Variants in DHRS4 observed in about 807,000 individuals in gnomAD.
DHRS4 encodes dehydrogenase/reductase 4, also known as dehydrogenase/reductase SDR family member 4.
DHRS4 carries 20 observed loss-of-function variants against 28.4 expected under a neutral mutation model. The observed-to-expected ratio is 0.71, with a 90% CI of 0.50 to 1.02. DHRS4 has a LOEUF of 1.02. Among genes scored for constraint, DHRS4 ranks in the 50% least tolerant of loss-of-function variants. The pLI is 0.00. For synonymous variants in DHRS4, 144 were observed against 146.4 expected (o/e 0.98, Z 0.12); for missense variants, 378 against 367.2 (o/e 1.03, Z -0.24).
At chr14:23,960,362 T>G (rs2033367473) in intron 3 of DHRS4, among the ~76,000 whole-genome samples, 1 of 152,122 alleles carries the variant, frequency 6.6e-6, no homozygotes, top group Non-Finnish European at 1.5e-5. Context: ...CACACCCACC[T>G]GTCCCCTTTT....
rs764867246 is a variant in DHRS4, at chr14:23,966,352, G to A, written c.601G>A (p.Ala201Thr). The A allele has an allele frequency of 3.7e-6, 6 of 1,614,044 alleles. No individual in the cohort carries two copies. In the South Asian group the frequency reaches 6.6e-5, roughly 18 times the overall value. ...GACCAAGACCCTGGCCATAGAGCTG[G>A]CCCCAAGGAACATTAGGGTGAACTG... ...GLTKTLAIEL[A>T]PRNIRVNCLA... The change falls in exon 6 of 8, where the codon GCC becomes ACC. Residue 201 changes from alanine (A) to threonine (T), a missense_variant. Physicochemically the swap from Ala to Thr is moderately conservative, Grantham distance 58. Transcript: ENST00000313250.
intron 2 of DHRS4, among the ~76,000 whole-genome samples, chr14:23,956,131 C>A (rs2033132914): frequency 6.6e-6 from 1 of 152,158 alleles, no homozygotes; most frequent in East Asian, 1.9e-4. Flanking sequence ...GGCAAATGCT[C>A]AAATGTGCAT....
In DHRS4 at chr14:23,967,450, C is replaced by T. The variant is rs542916647; in HGVS notation, c.722+184C>T. ...CTGAGCAAGAAGTCAGCTTCCCTTTCAAAAGGTAAACACAGAGACATCGGG... is the reference window on the plus strand; with the variant it reads ...CTGAGCAAGAAGTCAGCTTCCCTTTTAAAAGGTAAACACAGAGACATCGGG... On this transcript the variant is annotated intron_variant, in intron 7 of 7. Coordinates refer to ENST00000313250, the MANE Select transcript of DHRS4 (RefSeq NM_021004.4). 6.6e-5 allele frequency: 75 copies of T among 1,128,680 alleles called. No homozygotes were observed. The South Asian group carries it at 9.7e-4, about 15-fold the overall frequency. 69.9% of individuals were successfully genotyped at this position (1,128,680 alleles called of 1,614,324 possible). A position where few individuals can be genotyped will look rare whatever the true frequency, so the allele number is the denominator to read the frequency against.
chr14:23,960,037 G>GGC, intron 3 of DHRS4, 34 bp downstream of exon 3: 1 of 1,585,942 alleles, frequency 6.3e-7, no homozygotes, highest in African/African-American at 1.4e-5. Flanking sequence ...GGCCGGGGGG[G>GGC]GCGCCTTGGA....
chr14:23,967,456 G>A, intron 7 of DHRS4, 190 bp downstream of exon 7: 1 of 1,088,340 alleles, frequency 9.2e-7, no homozygotes. Context: ...CTTTCAAAAG[G>A]TAAACACAGA....
intron 6 of DHRS4, among the ~76,000 whole-genome samples, 196 bp from the exon 7 acceptor site, chr14:23,967,015 C>T (rs528104457): frequency 5.3e-5 from 8 of 151,972 alleles, no homozygotes; most frequent in East Asian, 1.9e-4. Flanking sequence ...ATTAGCCGGG[C>T]GCAGTGGCGA....
chr14:23,958,363 C>T (rs549451558), intron 2 of DHRS4, among the ~76,000 whole-genome samples: 4 of 152,092 alleles, frequency 2.6e-5, no homozygotes, highest in East Asian at 1.9e-4. Context: ...CAAAGTTGAC[C>T]GAGGGCCCGT....
Position 23,960,029 on chromosome 14 carries a change from C to CGGG in DHRS4, c.408+26_408+27insGGG. The CGGG allele has an allele frequency of 2.0e-6, 3 of 1,506,058 alleles. No individual in the cohort carries two copies. In the African/African-American group the frequency reaches 7.1e-5, roughly 36 times the overall value. The allele number at this position is 1,506,058 out of a possible 1,614,324, so 93.3% of individuals were successfully genotyped here. On this transcript the variant is annotated intron_variant, in intron 3 of 7. Coordinates refer to ENST00000313250, the MANE Select transcript of DHRS4 (RefSeq NM_021004.4). Reference sequence around the variant, plus strand: ...GTGAGAGGGGATTAAAGCAGGGGGGCCGGGGGGGGCGCCTTGGAACACATT... The same window carrying CGGG: ...GTGAGAGGGGATTAAAGCAGGGGGGCGGGCGGGGGGGGCGCCTTGGAACACATT...
intron 3 of DHRS4, among the ~76,000 whole-genome samples, chr14:23,960,553 C>T: frequency 6.6e-6 from 1 of 151,886 alleles, no homozygotes; most frequent in East Asian, 1.9e-4. Flanking sequence ...ATCTGAGATC[C>T]AGATGTCTAA....
In DHRS4 at chr14:23,953,875, G is replaced by T. The variant is rs758077923; in HGVS notation, c.87G>T (p.Pro29=). The part of the protein sequence containing the change: ...MASSGMTRRD[P]LANKVALVTA... ...GCTCCGGGATGACCCGCCGGGACCC[G>T]CTCGCAAATAAGGTGGCCCTGGTAA... The change falls in exon 1 of 8, where the codon CCG becomes CCT. Residue 29 remains proline (P), a synonymous_variant. Coordinates refer to ENST00000313250, the MANE Select transcript of DHRS4 (RefSeq NM_021004.4). 1.9e-6 allele frequency: 3 copies of T among 1,611,168 alleles called. No individual in the cohort carries two copies. Among genetic ancestry groups the T allele is most frequent in the Admixed American group, 1.7e-5 (1 of 59,590 alleles).
chr14:23,956,169 A>C (rs1470698330), intron 2 of DHRS4, among the ~76,000 whole-genome samples: 1 of 152,246 alleles, frequency 6.6e-6, no homozygotes, highest in African/African-American at 2.4e-5. Context: ...GAGTCCAAGA[A>C]AGTCACAAAT....
At chr14:23,959,679 ATTG>A (rs1039254979) in intron 2 of DHRS4, among the ~76,000 whole-genome samples, 1 of 151,382 alleles carries the variant, frequency 6.6e-6, no homozygotes, top group Non-Finnish European at 1.5e-5. Context: ...TTTTGTTGTC[ATTG>A]TTGTTGTTGT....
intron 1 of DHRS4, among the ~76,000 whole-genome samples, chr14:23,954,567 A>G (rs376143792): frequency 6.6e-6 from 1 of 152,258 alleles, no homozygotes; most frequent in Admixed American, 6.5e-5. Flanking sequence ...CTTCCTCCCA[A>G]GGCAATATTT....
chr14:23,960,391 T>C (rs551671737), intron 3 of DHRS4, among the ~76,000 whole-genome samples: 2,818 of 151,840 alleles, frequency 0.019, 50 homozygotes, highest in Non-Finnish European at 0.03. Context: ...AAAAAGTAAT[T>C]ATTTTTTACG....
intron 2 of DHRS4, among the ~76,000 whole-genome samples, chr14:23,958,554 G>A (rs554678822): frequency 2.5e-4 from 38 of 152,180 alleles, no homozygotes; most frequent in Admixed American, 9.2e-4. Context: ...GCCTTTCTTC[G>A]CCTTCTCAAT....
At chr14:23,966,194 C>T in intron 5 of DHRS4, 89 bp from the exon 6 acceptor site, 1 of 1,575,634 alleles carries the variant, frequency 6.3e-7, no homozygotes, top group Non-Finnish European at 8.6e-7. Context: ...TACAGGAGAT[C>T]CCTATTGAGC....
intron 1 of DHRS4, chr14:23,954,205 G>A (rs2032985327): frequency 6.0e-6 from 2 of 332,982 alleles, no homozygotes; most frequent in Non-Finnish European, 1.1e-5. Context: ...GTCAACCAGC[G>A]CCACCTAGCG....
At chr14:23,964,313 A>G (rs1359283903) in intron 3 of DHRS4, among the ~76,000 whole-genome samples, 1 of 144,452 alleles carries the variant, frequency 6.9e-6, no homozygotes. Flanking sequence ...TAATTTGTAT[A>G]TTTTTTAAAC....
chr14:23,959,435 G>C (rs1212869989), intron 2 of DHRS4, among the ~76,000 whole-genome samples: 25 of 152,076 alleles, frequency 1.6e-4, no homozygotes, highest in African/African-American at 3.6e-4. Flanking sequence ...GCACGCACTT[G>C]TAGTCCCAAC....
Sources: gnomAD v4.1 joint callset for allele counts (sites outside exome capture counted in the v4.1 genomes callset) on GRCh38, gnomAD v4.1.1 for gene constraint, MANE v1.5 for transcripts, NCBI Gene and HGNC (gene_info 2026-07-23, HGNC 2026-07-21) for gene names.